Variants in TTC3 observed in about 807,000 individuals in gnomAD.
The protein encoded by TTC3 is E3 ubiquitin-protein ligase TTC3.
TTC3 carries 180 observed loss-of-function variants against 249.6 expected under a neutral mutation model. The observed-to-expected ratio is 0.72, with a 90% confidence interval of 0.64 to 0.82. The LOEUF is 0.82. Ranked by LOEUF, TTC3 falls within the 40% of genes least tolerant of loss-of-function variation. TTC3 has a pLI of 0.00. For missense variants in TTC3, 2,061 were observed against 2,398.4 expected (o/e 0.86, Z 2.94); for synonymous variants, 717 against 805.0 (o/e 0.89, Z 1.85).
chr21:37,170,480 T>G (rs2081663721), intron 34 of TTC3, among the ~76,000 whole-genome samples: 1 of 152,226 alleles, frequency 6.6e-6, no homozygotes, highest in Admixed American at 6.5e-5. Context: ...CACTCATATA[T>G]GTATAGAGAG....
Position 37,135,292 on chromosome 21 carries a change from A to G in TTC3, c.1444-88A>G, listed in dbSNP as rs1291362481. ...TGATGTAAACATTTTATCATTAGTT[A>G]TAAAATATTACTATGAACTTGGCAT... On this transcript the variant is annotated intron_variant, in intron 17 of 45. Transcript: ENST00000355666. The G allele has an allele frequency of 5.8e-6, 8 of 1,376,132 alleles. No homozygotes were observed. In the East Asian group the frequency reaches 1.7e-4, roughly 30 times the overall value. The allele number at this position is 1,376,132 out of a possible 1,614,324, so 85.2% of individuals were successfully genotyped here. A position where few individuals can be genotyped will look rare whatever the true frequency, so the allele number is the denominator to read the frequency against.
intron 1 of TTC3, chr21:37,086,559 T>G (rs189353675): frequency 6.6e-5 from 10 of 152,382 alleles, no homozygotes; most frequent in African/African-American, 2.4e-4. Flanking sequence ...TTTTGCGATT[T>G]AGCAGTGCTG....
intron 1 of TTC3, among the ~76,000 whole-genome samples, chr21:37,075,895 A>G (rs11912004): frequency 0.02 from 3,062 of 152,238 alleles, 55 homozygotes; most frequent in Middle Eastern, 0.044. Flanking sequence ...CTTATGATGA[A>G]TGTTTAAAAA....
chr21:37,138,430 A>G (rs1315292863), intron 18 of TTC3, among the ~76,000 whole-genome samples: 1 of 152,238 alleles, frequency 6.6e-6, no homozygotes, highest in African/African-American at 2.4e-5. Context: ...TGTGTTTTAA[A>G]TAGCAGGATA....
intron 20 of TTC3, among the ~76,000 whole-genome samples, chr21:37,142,546 G>C (rs1569035988): frequency 1.3e-5 from 2 of 152,192 alleles, no homozygotes. Context: ...CAAGGGATGT[G>C]AAGGACCTCT....
At chr21:37,186,139 T>C (rs2083249240) in intron 37 of TTC3, 1 of 153,340 alleles carries the variant, frequency 6.5e-6, no homozygotes, top group Non-Finnish European at 1.5e-5. Flanking sequence ...TTGTTGCTGT[T>C]ATTGCTTTAT....
chr21:37,104,797 A>G (rs2074915515), intron 10 of TTC3, among the ~76,000 whole-genome samples: 1 of 152,176 alleles, frequency 6.6e-6, no homozygotes, highest in Admixed American at 6.5e-5. Flanking sequence ...GCACTTTGGA[A>G]TCACTGAACT....
At position 37,108,647 on chromosome 21, in the gene TTC3, C is replaced by T. The variant is rs555035382; in HGVS notation, c.900+201C>T. On this transcript the variant is annotated intron_variant, in intron 11 of 45. Transcript: ENST00000355666. ...CAGGCTGTGCGTGAGGACAGGTGGC[C>T]TGTGGGCATCTTGAGTCTTCAGGGT... is the stretch of plus-strand genomic sequence containing the variant. Among the ~76,000 whole-genome samples the T allele has an allele frequency of 1.5e-3, 224 of 152,194 alleles. 2 individuals are homozygous for T. Among genetic ancestry groups the T allele is most frequent in the African/African-American group, 4.9e-3 (205 of 41,500 alleles).
intron 17 of TTC3, among the ~76,000 whole-genome samples, chr21:37,133,341 T>G (rs1375423599): frequency 6.6e-6 from 1 of 152,206 alleles, no homozygotes; most frequent in Non-Finnish European, 1.5e-5. Flanking sequence ...TCAAAACATG[T>G]GGATCTTTTT....
At chr21:37,140,804 T>G in intron 20 of TTC3, 131 bp downstream of exon 20, 2 of 557,110 alleles carry the variant, frequency 3.6e-6, no homozygotes, top group South Asian at 6.8e-5. Flanking sequence ...TGATTTACTT[T>G]GAGGACCTGA....
intron 36 of TTC3, among the ~76,000 whole-genome samples, chr21:37,184,255 G>C (rs992317821): frequency 2.6e-5 from 4 of 152,050 alleles, no homozygotes; most frequent in African/African-American, 9.7e-5. Flanking sequence ...TACTTTTTTT[G>C]TTCAATTCAG....
At chr21:37,201,368 C>G in intron 45 of TTC3, 72 bp from the exon 46 acceptor site, 1 of 1,602,100 alleles carries the variant, frequency 6.2e-7, no homozygotes, top group Non-Finnish European at 8.5e-7. Flanking sequence ...GCCAAGGAGC[C>G]CAGCAGCACA....
rs756995166 is a variant in TTC3, at chr21:37,108,447, G to T, written c.900+1G>T. On this transcript the variant is annotated splice_donor_variant, in intron 11 of 45. Transcript: ENST00000355666. LOFTEE classifies it high-confidence loss of function. Reference sequence around the variant, plus strand: ...TATTCTGAAGAACACTTGGCCAAAGGTAGGTTTCTTCTGTATTTTATATTG... The same window carrying T: ...TATTCTGAAGAACACTTGGCCAAAGTTAGGTTTCTTCTGTATTTTATATTG... 14 of 1,612,294 alleles carry T rather than the reference G, an allele frequency of 8.7e-6. No homozygotes were observed. The highest frequency in any genetic ancestry group is 5.0e-5 in the Admixed American group (3 of 59,588).
chr21:37,121,930 T>G (rs1171769593), exon 12 of TTC3: 2 of 1,612,806 alleles, frequency 1.2e-6, no homozygotes, highest in East Asian at 2.2e-5. Context: ...GAATCAAGGA[T>G]CTAATTCAGC....
rs553471984 is a variant in TTC3 at position 37,112,636 on chromosome 21, T to C, written c.900+4190T>C. On this transcript the variant is annotated intron_variant, in intron 11 of 45. Coordinates refer to ENST00000355666, the Ensembl canonical transcript of TTC3. ...TACTAGGAGGAGCTGGTACCATTCC[T>C]TCTGAAACTATTCCAATCAATAGAA... 1.2e-3 allele frequency among the ~76,000 whole-genome samples: 179 copies of C among 152,296 alleles called. 1 individual carries two copies. The highest frequency in any genetic ancestry group is 4.3e-3 in the African/African-American group (177 of 41,570).
intron 41 of TTC3, among the ~76,000 whole-genome samples, chr21:37,194,116 T>TA (rs1272195914): frequency 1.3e-5 from 2 of 152,188 alleles, no homozygotes; most frequent in Non-Finnish European, 2.9e-5. Flanking sequence ...TAAGCTGTGT[T>TA]ACAGCAGCTT....
chr21:37,144,586 G>A, exon 21 of TTC3: 3 of 1,612,722 alleles, frequency 1.9e-6, no homozygotes, highest in African/African-American at 1.3e-5. Flanking sequence ...TCTTCCTGGA[G>A]TGTTAACTTG....
intron 36 of TTC3, among the ~76,000 whole-genome samples, chr21:37,185,251 ATGTG>A (rs1179184111): frequency 2.0e-5 from 3 of 152,228 alleles, no homozygotes; most frequent in Non-Finnish European, 4.4e-5. Flanking sequence ...TTATCAGAGA[ATGTG>A]AGTGTGTGTG....
chr21:37,109,442 G>A (rs1316931243), intron 11 of TTC3, among the ~76,000 whole-genome samples: 4 of 152,314 alleles, frequency 2.6e-5, no homozygotes, highest in East Asian at 1.9e-4. Flanking sequence ...AGGGTCCTAC[G>A]CCCATGGAGC....
Sources: gnomAD v4.1 joint callset for allele counts (sites outside exome capture counted in the v4.1 genomes callset) on GRCh38, gnomAD v4.1.1 for gene constraint, MANE v1.5 for transcripts, NCBI Gene and HGNC (gene_info 2026-07-23, HGNC 2026-07-21) for gene names.